Variants in DLGAP1 observed in about 807,000 individuals in gnomAD.
The protein encoded by DLGAP1 is disks large-associated protein 1.
Under a neutral mutation model 90.8 loss-of-function variants are expected in DLGAP1, and 11 were observed. The ratio of observed to expected loss-of-function variants is 0.12; its 90% confidence interval spans 0.08 to 0.20. DLGAP1 has a LOEUF of 0.20. DLGAP1 is among the 10% of genes least tolerant of loss of function. The probability of loss-of-function intolerance (pLI) is 1.00; values close to 1 mark genes in which losing one functional copy is unlikely to be tolerated. For synonymous variants in DLGAP1, 558 were observed against 540.7 expected, an observed-to-expected ratio of 1.03 and a Z score of -0.44; for missense variants, 1,050 against 1,333.8, an observed-to-expected ratio of 0.79 and a Z score of 3.31.
chr18:4,175,711 A>G (rs2077096353), intron 1 of DLGAP1, among the ~76,000 whole-genome samples: 2 of 152,156 alleles, frequency 1.3e-5, no homozygotes. Context: ...CAGGTTTGTC[A>G]AAGACCGGAT....
chr18:3,788,519 C>A (rs915166478), intron 5 of DLGAP1, among the ~76,000 whole-genome samples: 7 of 152,320 alleles, frequency 4.6e-5, no homozygotes, highest in Non-Finnish European at 1.5e-5. Context: ...ATTTCTACTT[C>A]TACAACACCT....
At position 3,600,829 on chromosome 18, in the gene DLGAP1, T is replaced by G. The variant is rs1474908299; in HGVS notation, c.1592-18581A>C. ...ATATAGATATATATAGATATATAGA[T>G]ATATATAGATATATATAGATATATA... On this transcript the variant is annotated intron_variant, in intron 7 of 12. Coordinates refer to ENST00000315677, the MANE Select transcript of DLGAP1 (RefSeq NM_004746.4). Among the ~76,000 whole-genome samples, 61 of 26,902 alleles carry G rather than the reference T, an allele frequency of 2.3e-3. 2 individuals are homozygous for G. Among genetic ancestry groups the G allele is most frequent in the African/African-American group, 3.8e-3 (20 of 5,292 alleles). The allele number at this position is 26,902 out of a possible 152,430, so 17.6% of individuals were successfully genotyped here.
intron 6 of DLGAP1, among the ~76,000 whole-genome samples, chr18:3,741,014 C>CCA (rs2062907377): frequency 2.5e-5 from 3 of 122,354 alleles, no homozygotes; most frequent in Admixed American, 7.9e-5. Context: ...ACCACCACCA[C>CCA]CATCACCACC....
At chr18:4,354,163 T>A (rs1198566574) in intron 1 of DLGAP1, among the ~76,000 whole-genome samples, 2 of 152,210 alleles carry the variant, frequency 1.3e-5, no homozygotes, top group African/African-American at 4.8e-5. Context: ...CTTCTGCCCT[T>A]CTTTCTCCTA....
chr18:3,538,773 G>C (rs12970501), intron 9 of DLGAP1, among the ~76,000 whole-genome samples: 37,520 of 152,080 alleles, frequency 0.25, 5,051 homozygotes, highest in Non-Finnish European at 0.31. Context: ...TTCAATCAGA[G>C]CAAACTGCCA....
At chr18:4,307,071 T>C (rs1304066616) in intron 1 of DLGAP1, among the ~76,000 whole-genome samples, 2 of 152,198 alleles carry the variant, frequency 1.3e-5, no homozygotes, top group Non-Finnish European at 2.9e-5. Flanking sequence ...CCCAAATTCA[T>C]ACCTGGGAAA....
intron 2 of DLGAP1, among the ~76,000 whole-genome samples, chr18:4,087,368 C>A (rs961062487): frequency 3.9e-5 from 6 of 152,068 alleles, no homozygotes; most frequent in Admixed American, 6.6e-5. Context: ...ACCTGGCCCA[C>A]CCAGGGCGGA....
chr18:4,312,192 C>A (rs1010070426), intron 1 of DLGAP1, among the ~76,000 whole-genome samples: 1 of 152,170 alleles, frequency 6.6e-6, no homozygotes, highest in African/African-American at 2.4e-5. Flanking sequence ...AGCGATAATT[C>A]AGTAATAAGA....
At chr18:3,515,589 G>A (rs1294179814) in intron 10 of DLGAP1, among the ~76,000 whole-genome samples, 3 of 151,900 alleles carry the variant, frequency 2.0e-5, no homozygotes, top group African/African-American at 7.3e-5. Flanking sequence ...GACCAGCCTA[G>A]GCAACATGGC....
At chr18:4,253,512 A>G (rs982977525) in intron 1 of DLGAP1, among the ~76,000 whole-genome samples, 64 of 152,072 alleles carry the variant, frequency 4.2e-4, no homozygotes, top group African/African-American at 1.5e-3. Context: ...CTAGGTTCAA[A>G]TGATTTTCAT....
At chr18:3,811,034 G>C (rs757171021) in intron 5 of DLGAP1, among the ~76,000 whole-genome samples, 1 of 152,090 alleles carries the variant, frequency 6.6e-6, no homozygotes, top group Non-Finnish European at 1.5e-5. Context: ...TCGAACTCCT[G>C]GGCCCAAGCA....
chr18:3,815,499 C>A (rs2067062611), intron 4 of DLGAP1, among the ~76,000 whole-genome samples: 1 of 152,178 alleles, frequency 6.6e-6, no homozygotes, highest in African/African-American at 2.4e-5. Context: ...GGTGTAGCTA[C>A]TACTTGTCTG....
chr18:3,827,147 A>G (rs977750288), intron 4 of DLGAP1, among the ~76,000 whole-genome samples: 4 of 152,158 alleles, frequency 2.6e-5, no homozygotes, highest in Non-Finnish European at 4.4e-5. Context: ...GTAGCTTACT[A>G]TCTAAGACTG....
At chr18:3,507,992 C>A (rs2050339124) in intron 11 of DLGAP1, among the ~76,000 whole-genome samples, 1 of 152,230 alleles carries the variant, frequency 6.6e-6, no homozygotes, top group African/African-American at 2.4e-5. Flanking sequence ...CTGCCTTGGC[C>A]TCCCAAAGTG....
intron 2 of DLGAP1, among the ~76,000 whole-genome samples, chr18:4,137,340 A>C (rs2144271318): frequency 6.6e-6 from 1 of 152,172 alleles, no homozygotes; most frequent in East Asian, 1.9e-4. Flanking sequence ...TCTTCTGCAT[A>C]TGGATATCCA....
At chr18:3,949,693 A>G (rs563577403) in intron 3 of DLGAP1, among the ~76,000 whole-genome samples, 1 of 152,296 alleles carries the variant, frequency 6.6e-6, no homozygotes, top group African/African-American at 2.4e-5. Context: ...ACCCAATATA[A>G]TGTGCAATTG....
chr18:4,080,728 C>G (rs1370385888), intron 2 of DLGAP1, among the ~76,000 whole-genome samples: 1 of 152,188 alleles, frequency 6.6e-6, no homozygotes, highest in Non-Finnish European at 1.5e-5. Flanking sequence ...CATAACCTGT[C>G]TTGCCGCGAT....
At chr18:3,500,531 TC>T (rs1245554923) in intron 12 of DLGAP1, among the ~76,000 whole-genome samples, 2 of 152,260 alleles carry the variant, frequency 1.3e-5, no homozygotes, top group African/African-American at 4.8e-5. Context: ...AGTGCCTAGT[TC>T]AACTTCTCAC....
intron 1 of DLGAP1, among the ~76,000 whole-genome samples, chr18:4,253,429 G>C (rs752982164): frequency 6.6e-6 from 1 of 152,080 alleles, no homozygotes; most frequent in Non-Finnish European, 1.5e-5. Context: ...TATATGTTTT[G>C]AGGCAGAGTC....
Sources: allele counts gnomAD v4.1 joint callset (sites outside exome capture counted in the v4.1 genomes callset), GRCh38; gene constraint gnomAD v4.1.1; transcripts MANE v1.5; gene names NCBI Gene and HGNC (gene_info 2026-07-23, HGNC 2026-07-21).